GPR158: variants seen among roughly 807,000 people sequenced by gnomAD.
The protein encoded by GPR158 is metabotropic glycine receptor.
Under a neutral mutation model 78.2 loss-of-function variants are expected in GPR158, and 30 were observed. That is an observed-to-expected ratio of 0.38 (90% CI 0.29 to 0.52). The LOEUF (loss-of-function observed/expected upper bound fraction) is 0.52. Ranked by LOEUF, GPR158 falls within the 20% of genes least tolerant of loss-of-function variation. The pLI is 0.83. For missense variants in GPR158, 1,463 were observed against 1,523.5 expected (o/e 0.96, Z 0.66); for synonymous variants, 581 against 591.1 (o/e 0.98, Z 0.25).
chr10:25,282,895 A>G (rs1854296816), intron 2 of GPR158, among the ~76,000 whole-genome samples: 1 of 152,040 alleles, frequency 6.6e-6, no homozygotes, highest in Non-Finnish European at 1.5e-5. Flanking sequence ...CTGATTATAT[A>G]TTGCTCAATG....
chr10:25,561,239 A>T (rs956086127), intron 6 of GPR158, among the ~76,000 whole-genome samples: 3 of 152,186 alleles, frequency 2.0e-5, no homozygotes, highest in African/African-American at 4.8e-5. Flanking sequence ...CCAAAATGTT[A>T]TATTAAATAG....
intron 5 of GPR158, among the ~76,000 whole-genome samples, chr10:25,531,020 C>T (rs1236241672): frequency 6.6e-6 from 1 of 152,176 alleles, no homozygotes; most frequent in East Asian, 1.9e-4. Flanking sequence ...CACTCTAATC[C>T]TTTCAGATAC....
At chr10:25,211,821 A>T (rs975931243) in intron 1 of GPR158, among the ~76,000 whole-genome samples, 3 of 152,176 alleles carry the variant, frequency 2.0e-5, no homozygotes, top group Non-Finnish European at 4.4e-5. Context: ...TTTATCCATT[A>T]GTGGCCCAAG....
chr10:25,441,351 C>T (rs10399962), intron 4 of GPR158, among the ~76,000 whole-genome samples: 29,429 of 152,080 alleles, frequency 0.19, 3,591 homozygotes, highest in African/African-American at 0.36. Flanking sequence ...TTTCCTTTTC[C>T]TGGCTCTTGT....
chr10:25,431,986 A>G (rs978135576), intron 4 of GPR158, among the ~76,000 whole-genome samples: 4 of 121,932 alleles, frequency 3.3e-5, no homozygotes, highest in African/African-American at 1.2e-4. Flanking sequence ...CATGTACCCT[A>G]AAACTTAAAG....
chr10:25,415,216 G>T (rs1834643818), intron 4 of GPR158, among the ~76,000 whole-genome samples: 1 of 151,896 alleles, frequency 6.6e-6, no homozygotes, highest in Non-Finnish European at 1.5e-5. Flanking sequence ...ACAGCATCAA[G>T]AAAGTAAAAA....
chr10:25,362,547 C>G (rs1297166006), intron 2 of GPR158, among the ~76,000 whole-genome samples: 1 of 151,764 alleles, frequency 6.6e-6, no homozygotes, highest in Non-Finnish European at 1.5e-5. Context: ...GTAGTATGTA[C>G]ATCTTCATAA....
chr10:25,562,187 C>A (rs1836869278), intron 6 of GPR158, among the ~76,000 whole-genome samples: 1 of 151,912 alleles, frequency 6.6e-6, no homozygotes, highest in South Asian at 2.1e-4. Context: ...TCTAATGAGT[C>A]TTTTTTCTTG....
intron 2 of GPR158, among the ~76,000 whole-genome samples, chr10:25,340,656 G>A (rs1301050809): frequency 4.6e-5 from 7 of 151,968 alleles, no homozygotes; most frequent in Admixed American, 1.3e-4. Flanking sequence ...TAGAATTTGG[G>A]TCAGAAGAAA....
intron 3 of GPR158, among the ~76,000 whole-genome samples, chr10:25,404,644 G>C (rs1834488858): frequency 6.6e-6 from 1 of 151,900 alleles, no homozygotes; most frequent in African/African-American, 2.4e-5. Flanking sequence ...TGTATTTTAT[G>C]GCCCAGTATT....
chr10:25,545,447 C>T (rs1365936790), intron 5 of GPR158, among the ~76,000 whole-genome samples: 1 of 152,150 alleles, frequency 6.6e-6, no homozygotes, highest in Non-Finnish European at 1.5e-5. Flanking sequence ...TTGCATTTAT[C>T]TAATGACCAG....
At chr10:25,412,586 A>G in intron 4 of GPR158, 113 bp downstream of exon 4, 1 of 698,042 alleles carries the variant, frequency 1.4e-6, no homozygotes, top group Non-Finnish European at 2.5e-6. Flanking sequence ...CAGTCTTTCT[A>G]CAATATGATT....
chr10:25,355,575 G>A (rs575899479), intron 2 of GPR158, among the ~76,000 whole-genome samples: 16 of 152,164 alleles, frequency 1.1e-4, no homozygotes, highest in African/African-American at 3.6e-4. Flanking sequence ...GTTTCTTGTG[G>A]ATGTACGTCT....
chr10:25,339,907 C>T (rs1359447009), intron 2 of GPR158, among the ~76,000 whole-genome samples: 3 of 152,028 alleles, frequency 2.0e-5, no homozygotes, highest in Admixed American at 6.6e-5. Context: ...CATTTTGCTT[C>T]GCATATGTGC....
chr10:25,360,595 G>T (rs1401125190), intron 2 of GPR158, among the ~76,000 whole-genome samples: 1 of 152,098 alleles, frequency 6.6e-6, no homozygotes, highest in Non-Finnish European at 1.5e-5. Context: ...CCTCTGTTCT[G>T]TTCCATTGGT....
intron 2 of GPR158, among the ~76,000 whole-genome samples, chr10:25,287,382 T>C (rs75221784): frequency 0.012 from 1,820 of 152,194 alleles, 27 homozygotes; most frequent in South Asian, 0.057. Context: ...TTCATGTCTT[T>C]TTTTGAGTCT....
intron 4 of GPR158, among the ~76,000 whole-genome samples, chr10:25,465,249 T>A (rs1243026644): frequency 6.6e-6 from 1 of 152,244 alleles, no homozygotes; most frequent in Non-Finnish European, 1.5e-5. Flanking sequence ...TTAAGATATT[T>A]ACACCACGTG....
At chr10:25,583,869 C>A (rs1052328853) in intron 7 of GPR158, among the ~76,000 whole-genome samples, 1 of 152,248 alleles carries the variant, frequency 6.6e-6, no homozygotes, top group Middle Eastern at 3.4e-3. Context: ...AATCAGAGTA[C>A]CACAGCTTGA....
intron 1 of GPR158, among the ~76,000 whole-genome samples, chr10:25,191,801 A>C (rs1436235452): frequency 1.3e-5 from 2 of 152,132 alleles, no homozygotes; most frequent in Non-Finnish European, 2.9e-5. Context: ...GGGGGCTCAC[A>C]GGTTCTGAGC....
Sources: allele counts gnomAD v4.1 joint callset (sites outside exome capture counted in the v4.1 genomes callset), GRCh38; gene constraint gnomAD v4.1.1; transcripts MANE v1.5; gene names NCBI Gene and HGNC (gene_info 2026-07-23, HGNC 2026-07-21).